Variants in ATP10B observed in about 807,000 individuals in gnomAD.
ATP10B encodes the protein phospholipid-transporting ATPase VB.
ATP10B carries 122 observed loss-of-function variants against 141.2 expected under a neutral mutation model. The ratio of observed to expected loss-of-function variants is 0.86; its 90% CI spans 0.75 to 1.00. The LOEUF is 1.00. Among genes scored for constraint, ATP10B ranks in the 50% least tolerant of loss-of-function variants. The pLI is 0.00. For missense variants in ATP10B, 1,876 were observed against 1,825.3 expected (o/e 1.03, Z -0.51); for synonymous variants, 685 against 692.0 (o/e 0.99, Z 0.16).
chr5:160,670,888 C>T (rs1031877314), intron 6 of ATP10B, among the ~76,000 whole-genome samples: 7 of 151,964 alleles, frequency 4.6e-5, no homozygotes, highest in Admixed American at 6.6e-5. Context: ...TGTCTTTGGC[C>T]GGGTGTGGTG....
intron 21 of ATP10B, among the ~76,000 whole-genome samples, chr5:160,601,897 T>A (rs980758228): frequency 2.0e-5 from 3 of 152,174 alleles, no homozygotes; most frequent in African/African-American, 7.2e-5. Flanking sequence ...TGAAGTGATA[T>A]GCAAGTCCCA....
intron 1 of ATP10B, among the ~76,000 whole-genome samples, chr5:160,850,710 G>A (rs945622432): frequency 6.6e-6 from 1 of 152,080 alleles, no homozygotes; most frequent in African/African-American, 2.4e-5. Flanking sequence ...CAGCATGTGG[G>A]TTTCAACCTT....
chr5:160,759,723 A>G (rs1299302200), intron 2 of ATP10B, among the ~76,000 whole-genome samples: 3 of 152,172 alleles, frequency 2.0e-5, no homozygotes, highest in Admixed American at 2.0e-4. Context: ...ATGCCTTTTC[A>G]CCTTCCTCAT....
the ATP10B span, among the ~76,000 whole-genome samples, chr5:160,892,103 G>A: frequency 6.6e-6 from 1 of 152,116 alleles, no homozygotes; most frequent in Non-Finnish European, 1.5e-5. Context: ...TCTTTTATAT[G>A]TTCTTTAGTG....
In ATP10B at chr5:160,569,663, C is replaced by G. The variant is rs1416602280; in HGVS notation, c.3771G>C (p.Val1257=). 1.3e-6 allele frequency: 2 copies of G among 1,583,490 alleles called. No homozygotes were observed. Among genetic ancestry groups the G allele is most frequent in the Non-Finnish European group, 1.7e-6 (2 of 1,165,828 alleles). Residue 1257 remains valine (V), a synonymous_variant, in exon 25 of 26, where the codon GTG becomes GTC. Transcript: ENST00000327245. The stretch of plus-strand genomic sequence containing the variant: ...AGTACATCAGGAAGCTGCCGAGGAG[C>G]ACGACTCCGTGGAAAATGGTCTGTG... ...MKTWTIFHGV[V]LLGSFLMYFL...
At chr5:160,855,324 T>C (rs1427491400), upstream of ATP10B, among the ~76,000 whole-genome samples, 5 of 152,086 alleles carry the variant, frequency 3.3e-5, no homozygotes, top group Admixed American at 6.6e-5. Context: ...GTTATTTCAA[T>C]AGGTGTATAG....
chr5:160,595,439 G>T (rs554071272), intron 22 of ATP10B, among the ~76,000 whole-genome samples: 3,625 of 122,504 alleles, frequency 0.03, 31 homozygotes, highest in Middle Eastern at 0.051. Flanking sequence ...AGAGAAAGCA[G>T]GAAAGATCTA....
intron 2 of ATP10B, among the ~76,000 whole-genome samples, chr5:160,749,394 C>CT (rs1329013972): frequency 3.1e-4 from 47 of 152,284 alleles, no homozygotes; most frequent in African/African-American, 1.1e-3. Flanking sequence ...GAAGAAGGAG[C>CT]TGGGGGGTTC....
At chr5:160,827,447 A>G (rs1344551112) in intron 1 of ATP10B, among the ~76,000 whole-genome samples, 1 of 152,176 alleles carries the variant, frequency 6.6e-6, no homozygotes, top group Non-Finnish European at 1.5e-5. Context: ...GGCCATGTGT[A>G]TGGCTTCTTT....
chr5:160,565,359 A>C lies in ATP10B; in HGVS notation c.*94T>G. On this transcript the variant is annotated 3_prime_UTR_variant, in exon 26 of 26. Transcript: ENST00000327245. ...TGTTGAAGAAAAGAATAAGACTGGC[A>C]CATTGTTTCCTCTATGAAGAAGAAG... 1 of 1,266,732 alleles carries C rather than the reference A, an allele frequency of 7.9e-7. No individual in the cohort carries two copies. Among genetic ancestry groups the C allele is most frequent in the Non-Finnish European group, 1.1e-6 (1 of 894,928 alleles). The allele number at this position is 1,266,732 out of a possible 1,614,324, so 78.5% of individuals were successfully genotyped here.
intron 18 of ATP10B, among the ~76,000 whole-genome samples, chr5:160,611,354 C>T (rs1173225454): frequency 1.3e-5 from 2 of 152,120 alleles, no homozygotes; most frequent in Admixed American, 1.3e-4. Flanking sequence ...CAGATGTTCT[C>T]CTTCTAGAAT....
At chr5:160,702,104 C>A (rs563767513) in intron 3 of ATP10B, among the ~76,000 whole-genome samples, 1 of 152,296 alleles carries the variant, frequency 6.6e-6, no homozygotes, top group African/African-American at 2.4e-5. Context: ...TCACTTTACA[C>A]CTCCTTCCTA....
At chr5:160,825,675 C>G (rs1774541280) in intron 1 of ATP10B, among the ~76,000 whole-genome samples, 1 of 152,152 alleles carries the variant, frequency 6.6e-6, no homozygotes, top group Admixed American at 6.5e-5. Context: ...CAGTAGCATC[C>G]TTTAAAAAAA....
intron 22 of ATP10B, among the ~76,000 whole-genome samples, chr5:160,595,638 C>A (rs531711148): frequency 9.3e-4 from 142 of 152,186 alleles, no homozygotes; most frequent in African/African-American, 3.3e-3. Context: ...AATTGAGAGA[C>A]TGCTAGCAAG....
chr5:160,664,139 A>G (rs1014486233), intron 7 of ATP10B, among the ~76,000 whole-genome samples: 4 of 152,190 alleles, frequency 2.6e-5, no homozygotes, highest in African/African-American at 9.7e-5. Context: ...AGAAAGCACT[A>G]AGTTTCATTC....
At chr5:160,777,018 G>T (rs893516098) in intron 2 of ATP10B, among the ~76,000 whole-genome samples, 2 of 152,198 alleles carry the variant, frequency 1.3e-5, no homozygotes, top group African/African-American at 4.8e-5. Flanking sequence ...AAAGGCAGGT[G>T]CCTGAGCCAG....
intron 2 of ATP10B, among the ~76,000 whole-genome samples, chr5:160,766,337 A>AACACACACACACAC (rs58890049): frequency 4.1e-4 from 57 of 140,396 alleles, no homozygotes; most frequent in Admixed American, 1.1e-3. Flanking sequence ...GGATAAAGAG[A>AACACACACACACAC]ACACACACAC....
rs767894491 is a variant in ATP10B at position 160,670,680 on chromosome 5, A to G, written c.471-13T>C. The G allele has an allele frequency of 6.2e-7, 1 of 1,611,374 alleles. No individual in the cohort carries two copies. The highest frequency in any genetic ancestry group is 1.1e-5 in the South Asian group (1 of 90,858). On this transcript the variant is annotated splice_polypyrimidine_tract_variant and intron_variant, in intron 6 of 25. Transcript: ENST00000327245. ...GGTCTGCTCTTTTCTTGGGTGAGAG[A>G]AAGACAGGGTGTGAGTGAGCTTTAA...
At chr5:160,738,611 C>G (rs1018296261) in intron 2 of ATP10B, among the ~76,000 whole-genome samples, 1 of 151,980 alleles carries the variant, frequency 6.6e-6, no homozygotes, top group African/African-American at 2.4e-5. Flanking sequence ...TTATGAACAA[C>G]TTTATGCAAT....
Sources: gnomAD v4.1 joint callset for allele counts (sites outside exome capture counted in the v4.1 genomes callset) on GRCh38, gnomAD v4.1.1 for gene constraint, MANE v1.5 for transcripts, NCBI Gene and HGNC (gene_info 2026-07-23, HGNC 2026-07-21) for gene names.